The following COL19A1 variants were observed in gnomAD, a reference collection of about 807,000 sequenced individuals.
The protein encoded by COL19A1 is collagen type XIX alpha 1 chain.
In COL19A1, 159 loss-of-function variants were observed where a neutral mutation model predicts 190.2. The ratio of observed to expected loss-of-function variants is 0.84; its 90% CI spans 0.73 to 0.95. The LOEUF (loss-of-function observed/expected upper bound fraction) is 0.95. Ranked by LOEUF, COL19A1 falls within the 40% of genes least tolerant of loss-of-function variation. COL19A1 has a pLI of 0.00. For missense variants in COL19A1, 1,418 were observed against 1,431.9 expected, an observed-to-expected ratio of 0.99 and a Z score of 0.16; for synonymous variants, 509 against 458.9, an observed-to-expected ratio of 1.11 and a Z score of -1.39.
chr6:69,905,650 C>T (rs1412112504), intron 4 of COL19A1, among the ~76,000 whole-genome samples: 4 of 152,194 alleles, frequency 2.6e-5, no homozygotes, highest in African/African-American at 9.7e-5. Context: ...AGGAGTTATA[C>T]GCCTGTGCTC....
rs150539180 is a variant in COL19A1, at chr6:69,940,621, A to G, written c.936+2521A>G. On this transcript the variant is annotated intron_variant, in intron 9 of 50. Coordinates refer to ENST00000620364, the MANE Select transcript of COL19A1 (RefSeq NM_001858.6). ...AATATTAACATTTGTTTTAAATTCC[A>G]TGATAATTCATAATGGCAAGAGATT... Among the ~76,000 whole-genome samples, 398 of 152,324 alleles carry G rather than the reference A, an allele frequency of 2.6e-3. 5 individuals are homozygous for G. The highest frequency in any genetic ancestry group is 8.9e-3 in the African/African-American group (371 of 41,590).
At chr6:70,048,252 A>G (rs1780011668) in intron 14 of COL19A1, among the ~76,000 whole-genome samples, 1 of 152,134 alleles carries the variant, frequency 6.6e-6, no homozygotes, top group African/African-American at 2.4e-5. Context: ...AATGACATTC[A>G]ATTAGCAGAT....
At chr6:70,080,656 C>T (rs1782192240) in intron 15 of COL19A1, among the ~76,000 whole-genome samples, 1 of 152,118 alleles carries the variant, frequency 6.6e-6, no homozygotes, top group Non-Finnish European at 1.5e-5. Context: ...TTGTTCTTAT[C>T]TTTATTGCTT....
At chr6:69,903,230 C>T (rs537937796) in intron 4 of COL19A1, among the ~76,000 whole-genome samples, 25 of 152,260 alleles carry the variant, frequency 1.6e-4, no homozygotes, top group African/African-American at 5.1e-4. Context: ...GGCTGGACTG[C>T]GGCAGCAATC....
chr6:70,129,087 G>GA (rs1407339351), intron 17 of COL19A1, among the ~76,000 whole-genome samples: 1 of 152,216 alleles, frequency 6.6e-6, no homozygotes, highest in East Asian at 1.9e-4. Context: ...TAGAAAAAGA[G>GA]AGATCAGGGT....
At chr6:69,955,067 C>T (rs1774330095) in intron 9 of COL19A1, among the ~76,000 whole-genome samples, 1 of 152,084 alleles carries the variant, frequency 6.6e-6, no homozygotes, top group African/African-American at 2.4e-5. Flanking sequence ...AGATGATTCA[C>T]ATTAAATAAG....
At chr6:70,043,573 A>G (rs1299085220) in intron 14 of COL19A1, among the ~76,000 whole-genome samples, 1 of 152,250 alleles carries the variant, frequency 6.6e-6, no homozygotes, top group African/African-American at 2.4e-5. Context: ...ATATTGTGTT[A>G]GCAGGCATGA....
intron 9 of COL19A1, among the ~76,000 whole-genome samples, chr6:69,950,316 A>G (rs1466995131): frequency 1.3e-5 from 2 of 151,858 alleles, no homozygotes; most frequent in Middle Eastern, 3.2e-3. Flanking sequence ...GAAGTATAGC[A>G]TTTAGTTATG....
chr6:69,867,185 C>T (rs1767507233), intron 1 of COL19A1, among the ~76,000 whole-genome samples: 1 of 151,686 alleles, frequency 6.6e-6, no homozygotes, highest in South Asian at 2.1e-4. Context: ...CGGTGCGGTG[C>T]CCTCCGGCCC....
chr6:70,081,192 A>G (rs1782225464), intron 15 of COL19A1, among the ~76,000 whole-genome samples: 2 of 152,202 alleles, frequency 1.3e-5, no homozygotes, highest in African/African-American at 4.8e-5. Flanking sequence ...AGCATTCAGT[A>G]GGATGGGCTT....
chr6:69,913,317 T>C (rs1359076953), intron 4 of COL19A1, among the ~76,000 whole-genome samples: 4 of 152,166 alleles, frequency 2.6e-5, no homozygotes, highest in Non-Finnish European at 4.4e-5. Flanking sequence ...AATTCCCAAA[T>C]GATAGTAAAT....
At chr6:69,972,746 T>C (rs1304378385) in intron 11 of COL19A1, among the ~76,000 whole-genome samples, 2 of 152,240 alleles carry the variant, frequency 1.3e-5, no homozygotes, top group African/African-American at 4.8e-5. Flanking sequence ...TTGTTTAACC[T>C]AGTATATTTC....
At chr6:70,206,621 C>T (rs1767868351) in intron 49 of COL19A1, among the ~76,000 whole-genome samples, 2 of 116,350 alleles carry the variant, frequency 1.7e-5, no homozygotes, top group Admixed American at 2.3e-4. Context: ...AGTGACAGAG[C>T]AGGACTCTGT....
chr6:70,133,676 C>T (rs991671446), intron 18 of COL19A1, among the ~76,000 whole-genome samples: 2 of 152,148 alleles, frequency 1.3e-5, no homozygotes, highest in African/African-American at 2.4e-5. Flanking sequence ...CTAATAGCAT[C>T]GAAAGTGTCA....
chr6:70,146,791 C>T (rs992733332), intron 26 of COL19A1, 21 bp from the exon 27 acceptor site: 3 of 1,591,040 alleles, frequency 1.9e-6, no homozygotes, highest in Non-Finnish European at 2.6e-6. Context: ...CTTGCAGTAA[C>T]AGAAGCCTTT....
At chr6:70,072,915 A>T (rs1781642248) in intron 15 of COL19A1, among the ~76,000 whole-genome samples, 1 of 152,150 alleles carries the variant, frequency 6.6e-6, no homozygotes, top group African/African-American at 2.4e-5. Flanking sequence ...CTTGGAATTT[A>T]GCATACAGGT....
chr6:70,004,354 G>T (rs983049995), intron 11 of COL19A1, among the ~76,000 whole-genome samples: 1 of 151,994 alleles, frequency 6.6e-6, no homozygotes, highest in Non-Finnish European at 1.5e-5. Flanking sequence ...TGTGTCTTGG[G>T]GTTGATCTTC....
At chr6:70,092,721 A>G (rs140244818) in intron 15 of COL19A1, among the ~76,000 whole-genome samples, 152 of 152,282 alleles carry the variant, frequency 1.0e-3, no homozygotes, top group Non-Finnish European at 1.7e-3. Flanking sequence ...CTTATTTTGT[A>G]CTAGTCAATT....
chr6:70,016,669 G>T (rs1448417975), intron 11 of COL19A1, among the ~76,000 whole-genome samples: 1 of 151,674 alleles, frequency 6.6e-6, no homozygotes, highest in African/African-American at 2.4e-5. Flanking sequence ...AATACATAAA[G>T]AACTTTTACA....
Sources: allele counts gnomAD v4.1 joint callset (sites outside exome capture counted in the v4.1 genomes callset), GRCh38; gene constraint gnomAD v4.1.1; transcripts MANE v1.5; gene names NCBI Gene and HGNC (gene_info 2026-07-23, HGNC 2026-07-21).